CPNE8: variants seen among roughly 807,000 people sequenced by gnomAD.
CPNE8 encodes copine 8.
Under a neutral mutation model 81.5 loss-of-function variants are expected in CPNE8, and 45 were observed. The ratio of observed to expected loss-of-function variants is 0.55; its 90% CI spans 0.44 to 0.71. The LOEUF is 0.71. Ranked by LOEUF, CPNE8 falls within the 30% of genes least tolerant of loss-of-function variation. The pLI is 0.00. For synonymous variants in CPNE8, 252 were observed against 226.3 expected (o/e 1.11, Z -1.02); for missense variants, 594 against 672.1 (o/e 0.88, Z 1.28).
intron 6 of CPNE8, among the ~76,000 whole-genome samples, chr12:38,807,644 G>A (rs970547253): frequency 1.3e-5 from 2 of 151,764 alleles, no homozygotes; most frequent in Non-Finnish European, 2.9e-5. Context: ...AAAACCATAA[G>A]AAGCCTAGAA....
intron 16 of CPNE8, among the ~76,000 whole-genome samples, chr12:38,685,000 G>A (rs1471624964): frequency 3.3e-5 from 5 of 152,130 alleles, no homozygotes; most frequent in Admixed American, 3.3e-4. Context: ...TATACAGGTA[G>A]AGCTCTGGGA....
chr12:38,901,867 C>T (rs1444297060), intron 1 of CPNE8, among the ~76,000 whole-genome samples: 2 of 152,146 alleles, frequency 1.3e-5, no homozygotes, highest in African/African-American at 4.8e-5. Context: ...ATGCATGAGC[C>T]TCATCTTTGA....
chr12:38,878,177 G>A (rs896980684), intron 1 of CPNE8, among the ~76,000 whole-genome samples: 7 of 152,126 alleles, frequency 4.6e-5, no homozygotes, highest in African/African-American at 1.7e-4. Context: ...AGCAGCCCTC[G>A]GCACTCCTCT....
chr12:38,742,673 T>TATAA (rs1555151385), intron 10 of CPNE8, among the ~76,000 whole-genome samples: 3,656 of 68,816 alleles, frequency 0.053, 123 homozygotes, highest in East Asian at 0.11. Flanking sequence ...GAACTTAAAA[T>TATAA]ATAAATAAAT....
chr12:38,776,748 T>C (rs1333543169), intron 6 of CPNE8, among the ~76,000 whole-genome samples: 4 of 152,128 alleles, frequency 2.6e-5, no homozygotes, highest in Non-Finnish European at 4.4e-5. Context: ...TATGTTTCAG[T>C]AAGAAACAGA....
intron 1 of CPNE8, among the ~76,000 whole-genome samples, chr12:38,888,707 AAAC>A (rs1269650870): frequency 2.0e-5 from 3 of 152,144 alleles, no homozygotes; most frequent in Non-Finnish European, 4.4e-5. Flanking sequence ...AAAACCAACA[AAAC>A]AACAATGGAA....
intron 1 of CPNE8, among the ~76,000 whole-genome samples, chr12:38,891,776 A>G (rs771556334): frequency 7.2e-5 from 11 of 152,218 alleles, no homozygotes; most frequent in Non-Finnish European, 1.2e-4. Flanking sequence ...AAGGGTATAA[A>G]CATATAATGT....
At chr12:38,755,622 T>C (rs1445973933) in intron 10 of CPNE8, among the ~76,000 whole-genome samples, 3 of 152,126 alleles carry the variant, frequency 2.0e-5, no homozygotes, top group Non-Finnish European at 2.9e-5. Flanking sequence ...TAGTGAGAAG[T>C]ATAGGAATGA....
upstream of CPNE8, chr12:38,905,974 C>T (rs1028688517): frequency 1.0e-6 from 1 of 985,308 alleles, no homozygotes; most frequent in African/African-American, 1.7e-5. Context: ...TCCACCTCTG[C>T]ACACCCACAC....
At chr12:38,763,895 T>G (rs374779585) in intron 8 of CPNE8, among the ~76,000 whole-genome samples, 11 of 151,340 alleles carry the variant, frequency 7.3e-5, no homozygotes, top group African/African-American at 2.4e-4. Context: ...ATCCCCCCTT[T>G]GATAAGTCCT....
At chr12:38,894,965 T>C (rs1944369726) in intron 1 of CPNE8, among the ~76,000 whole-genome samples, 1 of 152,068 alleles carries the variant, frequency 6.6e-6, no homozygotes. Flanking sequence ...AAAACCACTA[T>C]TATGCTAAGG....
intron 6 of CPNE8, among the ~76,000 whole-genome samples, chr12:38,785,346 AAATT>A (rs1942157530): frequency 1.3e-5 from 2 of 151,486 alleles, no homozygotes; most frequent in African/African-American, 4.9e-5. Flanking sequence ...AAAGACTAAA[AAATT>A]AACCAATAAA....
intron 10 of CPNE8, among the ~76,000 whole-genome samples, chr12:38,757,568 A>C (rs1941485249): frequency 6.6e-6 from 1 of 151,996 alleles, no homozygotes; most frequent in South Asian, 2.1e-4. Context: ...TATTGAATTA[A>C]AAGGGTTATC....
intron 6 of CPNE8, among the ~76,000 whole-genome samples, chr12:38,780,888 G>A (rs1009086048): frequency 4.7e-4 from 71 of 151,846 alleles, no homozygotes; most frequent in African/African-American, 1.6e-3. Flanking sequence ...ATCACAGATG[G>A]GAGATCTAAG....
intron 6 of CPNE8, among the ~76,000 whole-genome samples, chr12:38,824,817 C>T (rs936090133): frequency 6.6e-6 from 1 of 152,126 alleles, no homozygotes; most frequent in Admixed American, 6.5e-5. Context: ...ATTCAGAAGC[C>T]AGTGCCCATC....
intron 13 of CPNE8, among the ~76,000 whole-genome samples, chr12:38,704,836 A>ATATATATATATATATGTG (rs1311829540): frequency 0.055 from 2,379 of 43,632 alleles, 223 homozygotes; most frequent in Middle Eastern, 0.18. Context: ...GTATATATAT[A>ATATATATATATATATGTG]TATATATATA....
intron 6 of CPNE8, among the ~76,000 whole-genome samples, chr12:38,786,707 A>T (rs1216428835): frequency 2.6e-5 from 4 of 152,146 alleles, no homozygotes; most frequent in Non-Finnish European, 4.4e-5. Flanking sequence ...TATCAGACAA[A>T]ATAGGTTTCA....
At chr12:38,737,779 G>A (rs1020275209) in intron 10 of CPNE8, among the ~76,000 whole-genome samples, 1 of 151,604 alleles carries the variant, frequency 6.6e-6, no homozygotes, top group Non-Finnish European at 1.5e-5. Flanking sequence ...ATTTTGATAA[G>A]AAAGCACAAA....
intron 13 of CPNE8, among the ~76,000 whole-genome samples, chr12:38,713,244 T>C (rs1332991913): frequency 1.3e-5 from 2 of 152,192 alleles, no homozygotes; most frequent in African/African-American, 4.8e-5. Context: ...GAATTTCTTA[T>C]TCAATAAGGA....
Sources: gnomAD v4.1 joint callset for allele counts (sites outside exome capture counted in the v4.1 genomes callset) on GRCh38, gnomAD v4.1.1 for gene constraint, MANE v1.5 for transcripts, NCBI Gene and HGNC (gene_info 2026-07-23, HGNC 2026-07-21) for gene names.